Variants in AUTS2 observed in about 807,000 individuals in gnomAD.
AUTS2 encodes activator of transcription and developmental regulator AUTS2, also known as autism susceptibility gene 2 protein.
A neutral mutation model predicts 112.4 loss-of-function variants in AUTS2; 17 were observed. The ratio of observed to expected loss-of-function variants is 0.15; its 90% CI spans 0.10 to 0.23. AUTS2 has a LOEUF of 0.23. AUTS2 is among the 10% of genes least tolerant of loss of function. The pLI is 1.00. For missense variants in AUTS2, 1,510 were observed against 1,701.6 expected (o/e 0.89, Z 1.98); for synonymous variants, 751 against 702.7 (o/e 1.07, Z -1.09).
chr7:69,652,718 A>G (rs906901816), intron 1 of AUTS2, among the ~76,000 whole-genome samples: 1 of 152,106 alleles, frequency 6.6e-6, no homozygotes, highest in African/African-American at 2.4e-5. Flanking sequence ...TGTCTTTTGA[A>G]AAAAAGGGGG....
chr7:70,633,468 G>A lies in AUTS2; in HGVS notation c.691-65101G>A, dbSNP rs368570864. ...TCTACTAAAAATACAAAAATTATCC[G>A]GGTGTGGTGGTGGTCATCTGTAATC... On this transcript the variant is annotated intron_variant, in intron 5 of 18. Coordinates refer to ENST00000342771, the MANE Select transcript of AUTS2 (RefSeq NM_015570.4). Among the ~76,000 whole-genome samples the A allele has an allele frequency of 4.6e-5, 7 of 152,092 alleles. No homozygotes were observed. In the East Asian group the frequency reaches 5.8e-4, roughly 13 times the overall value.
chr7:70,367,555 CA>C lies in AUTS2; in HGVS notation c.661-68183del, dbSNP rs765864988. On this transcript the variant is annotated intron_variant, in intron 4 of 18. Transcript: ENST00000342771. ...TGGGAGACAGAGCGAGACTCTGTCTCAAAAAAAAAAAAAATTGTAAAAAATA... is the reference window on the plus strand; with the variant it reads ...TGGGAGACAGAGCGAGACTCTGTCTCAAAAAAAAAAAAATTGTAAAAAATA... Among the ~76,000 whole-genome samples, 950 of 100,572 alleles carry C rather than the reference CA, an allele frequency of 9.4e-3. 4 individuals are homozygous for C. The highest frequency in any genetic ancestry group is 0.018 in the African/African-American group (480 of 26,378). The allele number at this position is 100,572 out of a possible 152,430, so 66.0% of individuals were successfully genotyped here.
intron 4 of AUTS2, among the ~76,000 whole-genome samples, chr7:70,364,015 C>T (rs1792414756): frequency 6.6e-6 from 1 of 152,184 alleles, no homozygotes; most frequent in Non-Finnish European, 1.5e-5. Context: ...GAGCACCTTA[C>T]ACATCATAGG....
At chr7:69,695,204 C>T (rs896159822) in intron 1 of AUTS2, among the ~76,000 whole-genome samples, 3 of 152,172 alleles carry the variant, frequency 2.0e-5, no homozygotes, top group African/African-American at 7.2e-5. Context: ...TGGCACACCC[C>T]TGTGGTCCCA....
At chr7:70,787,514 C>A in intron 18 of AUTS2, 83 bp downstream of exon 18, 2 of 1,019,902 alleles carry the variant, frequency 2.0e-6, no homozygotes, top group Non-Finnish European at 2.9e-6. Flanking sequence ...CCCACCCTCC[C>A]TGTCCCAGCC....
intron 14 of AUTS2, among the ~76,000 whole-genome samples, chr7:70,778,016 A>T (rs1657652872): frequency 6.6e-6 from 1 of 152,216 alleles, no homozygotes; most frequent in South Asian, 2.1e-4. Context: ...ATTGGAATAC[A>T]GTCAGTACTT....
intron 1 of AUTS2, among the ~76,000 whole-genome samples, chr7:69,610,323 C>T (rs887990958): frequency 2.0e-5 from 3 of 152,196 alleles, no homozygotes; most frequent in African/African-American, 7.2e-5. Flanking sequence ...GGCTCTGCCT[C>T]CCATTTAAAA....
chr7:69,810,556 T>C (rs535179602), intron 1 of AUTS2, among the ~76,000 whole-genome samples: 82 of 151,942 alleles, frequency 5.4e-4, no homozygotes, highest in African/African-American at 1.8e-3. Context: ...CATTCAGAGT[T>C]TGATATAGGA....
intron 4 of AUTS2, among the ~76,000 whole-genome samples, chr7:70,227,396 T>A (rs1358056247): frequency 6.6e-6 from 1 of 152,028 alleles, no homozygotes; most frequent in Non-Finnish European, 1.5e-5. Flanking sequence ...CAAAAATCTA[T>A]CCATGTTAAG....
chr7:70,078,184 A>G (rs1268652617), intron 2 of AUTS2, among the ~76,000 whole-genome samples: 1 of 152,038 alleles, frequency 6.6e-6, no homozygotes, highest in African/African-American at 2.4e-5. Flanking sequence ...CACCCAGTGG[A>G]TACCTGAAAC....
At chr7:69,897,158 A>G (rs1303191159) in intron 1 of AUTS2, among the ~76,000 whole-genome samples, 1 of 152,182 alleles carries the variant, frequency 6.6e-6, no homozygotes, top group Non-Finnish European at 1.5e-5. Flanking sequence ...AGTACTTTGT[A>G]TTACAAGAAA....
rs113411804 is a variant in AUTS2 at position 69,600,053 on chromosome 7, GCTGTCTGT to G, written c.309+118_309+125del. The G allele has an allele frequency of 7.5e-4, 943 of 1,259,456 alleles. 8 individuals carry two copies. In the Admixed American group the frequency reaches 0.011, roughly 15 times the overall value. The allele number at this position is 1,259,456 out of a possible 1,614,324, so 78.0% of individuals were successfully genotyped here. On this transcript the variant is annotated intron_variant, in intron 1 of 18. Transcript: ENST00000342771. Reference sequence around the variant, plus strand: ...TCCTGCCTCCCTCGCCGCGCTCCGGGCTGTCTGTCTGTCTGTCTGTCTGTCTGTCTGTC... The same window carrying G: ...TCCTGCCTCCCTCGCCGCGCTCCGGGCTGTCTGTCTGTCTGTCTGTCTGTC...
At chr7:69,689,858 T>TC (rs1247177352) in intron 1 of AUTS2, among the ~76,000 whole-genome samples, 1 of 150,046 alleles carries the variant, frequency 6.7e-6, no homozygotes, top group African/African-American at 2.4e-5. Context: ...TTGTATTTTT[T>TC]TTTTTTTTTC....
At chr7:69,642,993 T>C (rs2533441) in intron 1 of AUTS2, among the ~76,000 whole-genome samples, 1 of 151,902 alleles carries the variant, frequency 6.6e-6, no homozygotes, top group Non-Finnish European at 1.5e-5. Flanking sequence ...TGTCCTGGGC[T>C]GGGGTCTCAC....
At chr7:70,377,587 T>C (rs1370388083) in intron 4 of AUTS2, among the ~76,000 whole-genome samples, 12 of 151,594 alleles carry the variant, frequency 7.9e-5, no homozygotes, top group Admixed American at 2.6e-4. Context: ...CGGAACATTT[T>C]TCGTCTTCCC....
chr7:70,436,900 G>A (rs1348256927), intron 5 of AUTS2: 1 of 152,232 alleles, frequency 6.6e-6, no homozygotes. Flanking sequence ...ATATTCAGAT[G>A]AAGACAAATG....
At chr7:70,412,194 C>T (rs1361089881) in intron 4 of AUTS2, among the ~76,000 whole-genome samples, 1 of 152,152 alleles carries the variant, frequency 6.6e-6, no homozygotes, top group Non-Finnish European at 1.5e-5. Context: ...CATGCCCCGC[C>T]AAACTCTTTC....
chr7:70,591,149 C>A lies in AUTS2; in HGVS notation c.691-107420C>A, dbSNP rs919285652. Among the ~76,000 whole-genome samples, 8 of 117,582 alleles carry A rather than the reference C, an allele frequency of 6.8e-5. No homozygotes were observed. In the East Asian group the frequency reaches 1.5e-3, roughly 22 times the overall value. 77.1% of individuals were successfully genotyped at this position (117,582 alleles called of 152,430 possible). ...AGAGAGGCTGCTGATACCCACCCCA[C>A]CTGTCCCCACCCCACCTGCCCCCAC... On this transcript the variant is annotated intron_variant, in intron 5 of 18. Coordinates refer to ENST00000342771, the MANE Select transcript of AUTS2 (RefSeq NM_015570.4).
chr7:69,768,495 A>G (rs1192104653), intron 1 of AUTS2, among the ~76,000 whole-genome samples: 2 of 152,140 alleles, frequency 1.3e-5, no homozygotes, highest in Non-Finnish European at 2.9e-5. Flanking sequence ...TTAATAAATT[A>G]ATGTTGTATT....
Sources: gnomAD v4.1 joint callset for allele counts (sites outside exome capture counted in the v4.1 genomes callset) on GRCh38, gnomAD v4.1.1 for gene constraint, MANE v1.5 for transcripts, NCBI Gene and HGNC (gene_info 2026-07-23, HGNC 2026-07-21) for gene names.